ASB14: variants seen among roughly 807,000 people sequenced by gnomAD.
ASB14 encodes ankyrin repeat and SOCS box protein 14.
Under a neutral mutation model 55.6 loss-of-function variants are expected in ASB14, and 63 were observed. The observed-to-expected ratio is 1.13, with a 90% CI of 0.92 to 1.40. The LOEUF (loss-of-function observed/expected upper bound fraction) is 1.40. Ranked by LOEUF, ASB14 falls within the 40% of genes most tolerant of loss-of-function variation. The pLI is 0.00. For missense variants in ASB14, 724 were observed against 710.4 expected (o/e 1.02, Z -0.22); for synonymous variants, 256 against 259.9 (o/e 0.98, Z 0.15).
intron 10 of ASB14, chr3:57,271,998 T>C (rs2060944497): frequency 6.6e-6 from 1 of 152,224 alleles, no homozygotes; most frequent in Non-Finnish European, 1.5e-5. Flanking sequence ...TTCTGCCTAG[T>C]GGTAAAGCTG....
In ASB14 at chr3:57,277,821, A is replaced by T; in HGVS notation, c.1531T>A (p.Leu511Met). 1.2e-6 allele frequency: 2 copies of T among 1,613,986 alleles called. No individual in the cohort carries two copies. Among genetic ancestry groups the T allele is most frequent in the Non-Finnish European group, 1.7e-6 (2 of 1,179,912 alleles). Reference sequence around the variant, plus strand: ...CCCTGTTTTTGGAGCACAGCTTTCAACTTTGAACAGATCCGAACTTGATCA... The same window carrying T: ...CCCTGTTTTTGGAGCACAGCTTTCATCTTTGAACAGATCCGAACTTGATCA... ...YVDQVRICSK[L>M]KAVLQKQGIW... is the part of the protein sequence containing the mutation. Residue 511 changes from leucine (L) to methionine (M), a missense_variant, in exon 9 of 11, where the codon TTG becomes ATG. Transcript: ENST00000487349.
At chr3:57,287,056 G>A (rs1452438953) in intron 5 of ASB14, among the ~76,000 whole-genome samples, 1 of 152,142 alleles carries the variant, frequency 6.6e-6, no homozygotes, top group Non-Finnish European at 1.5e-5. Flanking sequence ...TGGTTTCTCT[G>A]AGGAAGTTAA....
intron 10 of ASB14, among the ~76,000 whole-genome samples, chr3:57,273,705 C>T (rs372769591): frequency 9.2e-5 from 14 of 152,220 alleles, no homozygotes; most frequent in African/African-American, 2.2e-4. Flanking sequence ...CATTAATTGA[C>T]GTATACTTGC....
chr3:57,279,308 C>T (rs1431963183), intron 7 of ASB14, among the ~76,000 whole-genome samples: 44 of 86,264 alleles, frequency 5.1e-4, no homozygotes, highest in Non-Finnish European at 8.2e-4. Context: ...GGAGTTTCCT[C>T]TTGTTGCCCA....
At chr3:57,291,868 G>C in intron 2 of ASB14, 44 bp downstream of exon 2, 2 of 1,468,560 alleles carry the variant, frequency 1.4e-6, no homozygotes, top group Non-Finnish European at 1.8e-6. Flanking sequence ...GTCAGCTGTT[G>C]AATACAACAC....
chr3:57,291,478 A>G (rs1042095738), intron 2 of ASB14, among the ~76,000 whole-genome samples: 1 of 152,224 alleles, frequency 6.6e-6, no homozygotes, highest in African/African-American at 2.4e-5. Context: ...GTTCAAGTTT[A>G]TGTAATTCCT....
At chr3:57,287,391 C>A (rs553507059) in intron 5 of ASB14, among the ~76,000 whole-genome samples, 2 of 152,188 alleles carry the variant, frequency 1.3e-5, no homozygotes, top group African/African-American at 4.8e-5. Context: ...AGGAGGAGGG[C>A]TGGGCAGTCT....
Position 57,271,227 on chromosome 3 carries a change from C to G in ASB14, c.*23-1609G>C, listed in dbSNP as rs542085162. 6 of 151,268 alleles carry G rather than the reference C, an allele frequency of 4.0e-5. No individual in the cohort carries two copies. The East Asian group carries it at 1.2e-3, about 29-fold the overall frequency. 9.4% of individuals were successfully genotyped at this position (151,268 alleles called of 1,614,324 possible). On this transcript the variant is annotated intron_variant, in intron 10 of 10. Transcript: ENST00000487349. Reference sequence around the variant, plus strand: ...CAAAATATAACTCAGCTGTTTCACACTGTATATGTACATTGTTTTCTGTAG... The same window carrying G: ...CAAAATATAACTCAGCTGTTTCACAGTGTATATGTACATTGTTTTCTGTAG...
intron 5 of ASB14, among the ~76,000 whole-genome samples, chr3:57,284,181 C>T (rs1434684684): frequency 6.7e-6 from 1 of 150,372 alleles, no homozygotes; most frequent in Non-Finnish European, 1.5e-5. Context: ...GGCTGAAGTG[C>T]AGTGGTACGA....
At chr3:57,282,458 A>C (rs2061047724) in intron 6 of ASB14, among the ~76,000 whole-genome samples, 1 of 152,222 alleles carries the variant, frequency 6.6e-6, no homozygotes, top group South Asian at 2.1e-4. Context: ...CCTCGAAGAC[A>C]GTAAAGGCCA....
Position 57,288,708 on chromosome 3 carries a change from C to CTTTTTTTTTTTTTT in ASB14, c.178+346_178+359dup, listed in dbSNP as rs747854434. ...GCCAGCCATCACCATCATATCTTTC[C>CTTTTTTTTTTTTTT]TTTTTTTTTTTTTTTTTTTTTTGTG... On this transcript the variant is annotated intron_variant, in intron 3 of 10. Coordinates refer to ENST00000487349, the MANE Select transcript of ASB14 (RefSeq NM_001142733.3). Among the ~76,000 whole-genome samples, 9 of 102,380 alleles carry CTTTTTTTTTTTTTT rather than the reference C, an allele frequency of 8.8e-5. No homozygotes were observed. In the East Asian group the frequency reaches 1.2e-3, roughly 14 times the overall value. 67.2% of individuals were successfully genotyped at this position (102,380 alleles called of 152,430 possible).
chr3:57,291,645 C>T (rs1056416079), intron 2 of ASB14, among the ~76,000 whole-genome samples: 28 of 147,016 alleles, frequency 1.9e-4, no homozygotes, highest in Non-Finnish European at 3.8e-4. Flanking sequence ...TTCATATCCT[C>T]CTTTCTTTCT....
chr3:57,279,258 G>GTTTTTCT (rs1559521418), intron 7 of ASB14, among the ~76,000 whole-genome samples: 2 of 109,060 alleles, frequency 1.8e-5, no homozygotes, highest in African/African-American at 3.6e-5. Flanking sequence ...TTGGTCAAGA[G>GTTTTTCT]TTTTTCTTTT....
chr3:57,276,476 A>T (rs1467121701), intron 10 of ASB14, 52 bp downstream of exon 10: 1 of 1,371,170 alleles, frequency 7.3e-7, no homozygotes, highest in Admixed American at 2.2e-5. Flanking sequence ...AAAGCAAAAA[A>T]TATGAATCAT....
chr3:57,288,181 C>G lies in ASB14; in HGVS notation c.284G>C (p.Arg95Thr), dbSNP rs541590157. Residue 95 changes from arginine (R) to threonine (T), a missense_variant, in exon 4 of 11, where the codon AGG (arginine) becomes ACG (threonine). Physicochemically the swap from Arg to Thr is moderately conservative, Grantham distance 71. Transcript: ENST00000487349. ...GCTTAGGGTTATTTCCAAAATTTTCCTATTTAATTGCACTGCAGCCTTATG... is the reference window on the plus strand; with the variant it reads ...GCTTAGGGTTATTTCCAAAATTTTCGTATTTAATTGCACTGCAGCCTTATG... ...PLHKAAVQLN[R>T]KILEITLSAS... 3 of 1,537,020 alleles carry G rather than the reference C, an allele frequency of 2.0e-6. No homozygotes were observed. The highest frequency in any genetic ancestry group is 2.6e-6 in the Non-Finnish European group (3 of 1,146,720).
In ASB14 at chr3:57,278,909, A is replaced by G. The variant is rs145109957; in HGVS notation, c.899T>C (p.Ile300Thr). The G allele has an allele frequency of 1.0e-4, 161 of 1,613,058 alleles. 2 individuals are homozygous for G. The African/African-American group carries it at 1.9e-3, about 19-fold the overall frequency. The part of the protein sequence containing the change: ...ADRGHLLALK[I>T]LIPVTDLAAI... ...AGCAAGATCCGTAACTGGAATCAGT[A>G]TCTTTAGAGCTCTGAGAAAGAATTT... is the stretch of plus-strand genomic sequence containing the variant. The change falls in exon 8 of 11, where the codon ATA becomes ACA. Residue 300 changes from isoleucine (I) to threonine (T), a missense_variant. Ile to Thr is a moderately conservative substitution (Grantham distance 89). Coordinates refer to ENST00000487349, the MANE Select transcript of ASB14 (RefSeq NM_001142733.3).
intron 2 of ASB14, among the ~76,000 whole-genome samples, chr3:57,291,263 G>A (rs1269886753): frequency 3.3e-5 from 5 of 152,210 alleles, no homozygotes; most frequent in Admixed American, 3.3e-4. Flanking sequence ...GGCAAATAGA[G>A]ATTACCATCC....
At chr3:57,274,045 T>A (rs2060967418) in intron 10 of ASB14, among the ~76,000 whole-genome samples, 1 of 152,146 alleles carries the variant, frequency 6.6e-6, no homozygotes. Flanking sequence ...CCAGTTTGAT[T>A]TAAAAAATAA....
At chr3:57,279,039 AC>A in intron 7 of ASB14, 119 bp from the exon 8 acceptor site, 1 of 930,758 alleles carries the variant, frequency 1.1e-6, no homozygotes, top group Admixed American at 2.9e-5. Flanking sequence ...TTTAGAACCC[AC>A]AACCAAAAAA....
Sources: gnomAD v4.1 joint callset for allele counts (sites outside exome capture counted in the v4.1 genomes callset) on GRCh38, gnomAD v4.1.1 for gene constraint, MANE v1.5 for transcripts, NCBI Gene and HGNC (gene_info 2026-07-23, HGNC 2026-07-21) for gene names.